Variants in APP observed in about 807,000 individuals in gnomAD.
APP encodes the protein amyloid-beta precursor protein.
APP carries 31 observed loss-of-function variants against 101.4 expected under a neutral mutation model. The observed-to-expected ratio is 0.31, with a 90% CI of 0.23 to 0.41. The LOEUF is 0.41. Ranked by LOEUF, APP falls within the 10% of genes least tolerant of loss-of-function variation. The probability of loss-of-function intolerance (pLI) is 1.00; values close to 1 mark genes in which losing one functional copy is unlikely to be tolerated. For synonymous variants in APP, 366 were observed against 364.4 expected (o/e 1.00, Z -0.05); for missense variants, 839 against 1,003.7 (o/e 0.84, Z 2.22).
At chr21:26,034,300 T>C (rs941011763) in intron 5 of APP, among the ~76,000 whole-genome samples, 2 of 152,178 alleles carry the variant, frequency 1.3e-5, no homozygotes, top group African/African-American at 4.8e-5. Context: ...CAGAGATCTA[T>C]GTGAGAATTT....
rs546744952 is a variant in APP, at chr21:25,901,686, A to T, written c.1963+3338T>A. ...GGGACCTTGGTTTGCAGGCTTACTTAGAGGTCTTTCTTGAGTTGTGCTGAT... is the reference window on the plus strand; with the variant it reads ...GGGACCTTGGTTTGCAGGCTTACTTTGAGGTCTTTCTTGAGTTGTGCTGAT... On this transcript the variant is annotated intron_variant, in intron 15 of 17. Coordinates refer to ENST00000346798, the MANE Select transcript of APP (RefSeq NM_000484.4). Among the ~76,000 whole-genome samples, 15 of 152,312 alleles carry T rather than the reference A, an allele frequency of 9.8e-5. No homozygotes were observed. The South Asian group carries it at 3.1e-3, about 32-fold the overall frequency.
At chr21:26,046,089 G>A (rs541427427) in intron 5 of APP, among the ~76,000 whole-genome samples, 31 of 151,930 alleles carry the variant, frequency 2.0e-4, no homozygotes, top group African/African-American at 7.5e-4. Context: ...GGAAAGACTT[G>A]CCCCCATGAT....
intron 5 of APP, among the ~76,000 whole-genome samples, chr21:26,039,271 T>C (rs1157422148): frequency 6.6e-6 from 1 of 152,190 alleles, no homozygotes; most frequent in Non-Finnish European, 1.5e-5. Context: ...GATAAAAAGA[T>C]AAAAGCAAAC....
At chr21:26,036,061 G>A (rs2045095086) in intron 5 of APP, among the ~76,000 whole-genome samples, 1 of 152,050 alleles carries the variant, frequency 6.6e-6, no homozygotes, top group African/African-American at 2.4e-5. Context: ...GGTAGAGTCT[G>A]GCCTAGAGAA....
Position 26,112,159 on chromosome 21 carries a change from G to A in APP, c.58-13C>T. ...CATCAGTGGGTACCTGAAAGAAGAA[G>A]CTTCAGTTAGTTATAGTATCCATAG... is the stretch of plus-strand genomic sequence containing the variant. On this transcript the variant is annotated splice_polypyrimidine_tract_variant and intron_variant, in intron 1 of 17. Coordinates refer to ENST00000346798, the MANE Select transcript of APP (RefSeq NM_000484.4). 3 of 1,613,456 alleles carry A rather than the reference G, an allele frequency of 1.9e-6. No homozygotes were observed. Among genetic ancestry groups the A allele is most frequent in the Non-Finnish European group, 2.5e-6 (3 of 1,179,880 alleles).
chr21:25,931,596 T>C (rs1260784644), intron 13 of APP, among the ~76,000 whole-genome samples: 6 of 152,102 alleles, frequency 3.9e-5, no homozygotes, highest in Admixed American at 2.6e-4. Context: ...GCCAAAAGCA[T>C]AGCCGATAAG....
At chr21:26,014,700 G>A (rs2043976646) in intron 6 of APP, among the ~76,000 whole-genome samples, 1 of 152,194 alleles carries the variant, frequency 6.6e-6, no homozygotes, top group Non-Finnish European at 1.5e-5. Context: ...ACCTACAAGT[G>A]CCTTGTGGAT....
At chr21:26,027,860 T>G (rs1301171035) in intron 5 of APP, among the ~76,000 whole-genome samples, 1 of 146,200 alleles carries the variant, frequency 6.8e-6, no homozygotes, top group African/African-American at 2.6e-5. Context: ...GTTTAAGGCC[T>G]CCAGCTTTAG....
At chr21:25,890,293 T>C (rs921015546) in intron 17 of APP, among the ~76,000 whole-genome samples, 3 of 152,228 alleles carry the variant, frequency 2.0e-5, no homozygotes, top group Non-Finnish European at 2.9e-5. Flanking sequence ...GAGGTTTTAA[T>C]TGCTGAGCAA....
chr21:26,000,310 C>T (rs977420065), intron 6 of APP, 128 bp from the exon 7 acceptor site: 13 of 1,176,540 alleles, frequency 1.1e-5, no homozygotes, highest in African/African-American at 6.0e-5. Flanking sequence ...GCAGCATCTA[C>T]CAAACATTTA....
chr21:25,970,843 C>T (rs376378925), intron 11 of APP, among the ~76,000 whole-genome samples: 14 of 152,186 alleles, frequency 9.2e-5, no homozygotes, highest in South Asian at 2.1e-4. Flanking sequence ...AGCTCTTTAA[C>T]GGCTCCTCAT....
chr21:25,969,949 A>AGAAG (rs1162957485), intron 11 of APP, among the ~76,000 whole-genome samples: 2 of 38,324 alleles, frequency 5.2e-5, no homozygotes, highest in Admixed American at 6.0e-4. Flanking sequence ...AAGGAAGGGA[A>AGAAG]GAAGGAAGGA....
intron 1 of APP, among the ~76,000 whole-genome samples, chr21:26,161,477 G>A (rs2063490979): frequency 6.6e-6 from 1 of 152,022 alleles, no homozygotes; most frequent in Non-Finnish European, 1.5e-5. Flanking sequence ...CCCTCTTGGG[G>A]GCAAGGACCT....
chr21:26,074,750 CA>C (rs10707239), intron 3 of APP, among the ~76,000 whole-genome samples: 102,266 of 145,144 alleles, frequency 0.7, 35,313 homozygotes, highest in East Asian at 0.88. Context: ...CTGTGTCTCA[CA>C]AAAAAAAAAA....
chr21:26,108,891 A>G (rs2062245528), intron 2 of APP, among the ~76,000 whole-genome samples: 1 of 151,464 alleles, frequency 6.6e-6, no homozygotes, highest in Admixed American at 6.6e-5. Context: ...TCTCAAAAAC[A>G]AAAGAAAAAA....
At chr21:26,031,281 G>C (rs2044806973) in intron 5 of APP, among the ~76,000 whole-genome samples, 1 of 152,222 alleles carries the variant, frequency 6.6e-6, no homozygotes, top group Non-Finnish European at 1.5e-5. Context: ...CACAAAGTAA[G>C]AGAAAAGCCT....
chr21:25,896,859 A>G (rs1219786952), intron 16 of APP, among the ~76,000 whole-genome samples: 1 of 152,148 alleles, frequency 6.6e-6, no homozygotes, highest in Non-Finnish European at 1.5e-5. Context: ...TAGGGGAGGG[A>G]ATGAAAAGAA....
chr21:25,901,464 T>G (rs1428923982), intron 15 of APP, among the ~76,000 whole-genome samples: 1 of 152,226 alleles, frequency 6.6e-6, no homozygotes, highest in Admixed American at 6.5e-5. Flanking sequence ...CTCAATAGTT[T>G]GAGAAGCTCT....
chr21:26,068,891 G>T (rs2211773), intron 3 of APP, among the ~76,000 whole-genome samples: 40,783 of 152,042 alleles, frequency 0.27, 6,753 homozygotes, highest in East Asian at 0.37. Flanking sequence ...ATTCCCAGTC[G>T]CTTGCTGCAT....
Sources: allele counts gnomAD v4.1 joint callset (sites outside exome capture counted in the v4.1 genomes callset), GRCh38; gene constraint gnomAD v4.1.1; transcripts MANE v1.5; gene names NCBI Gene and HGNC (gene_info 2026-07-23, HGNC 2026-07-21).